The following LRP2 variants were observed in gnomAD, a reference collection of about 807,000 sequenced individuals.
LRP2 encodes the protein low-density lipoprotein receptor-related protein 2.
LRP2 carries 172 observed loss-of-function variants against 531.0 expected under a neutral mutation model. The observed-to-expected ratio is 0.32, with a 90% CI of 0.29 to 0.37. LRP2 has a LOEUF of 0.37. LRP2 is among the 10% of genes least tolerant of loss of function. The probability of loss-of-function intolerance (pLI) is 1.00; values close to 1 mark genes in which losing one functional copy is unlikely to be tolerated. For synonymous variants in LRP2, 1,992 were observed against 2,027.6 expected, an observed-to-expected ratio of 0.98 and a Z score of 0.47; for missense variants, 5,167 against 5,868.3, an observed-to-expected ratio of 0.88 and a Z score of 3.90.
intron 76 of LRP2, 91 bp downstream of exon 76, chr2:169,137,301 A>C (rs549898835): frequency 1.6e-4 from 151 of 965,176 alleles, no homozygotes; most frequent in Non-Finnish European, 2.1e-4. Context: ...TTCCCTTTGG[A>C]GGGAAGGTTA....
rs1185006084 is a variant in LRP2 at position 169,251,718 on chromosome 2, G to T, written c.2771-4203C>A. Reference sequence around the variant, plus strand: ...AATCCAGGAGCTGGTTTTTTGAAAGGATCAACAAAATTGATAGACCGCTAG... The same window carrying T: ...AATCCAGGAGCTGGTTTTTTGAAAGTATCAACAAAATTGATAGACCGCTAG... On this transcript the variant is annotated intron_variant, in intron 19 of 78. Transcript: ENST00000649046. Among the ~76,000 whole-genome samples, 8 of 87,728 alleles carry T rather than the reference G, an allele frequency of 9.1e-5. 4 individuals carry two copies. Among genetic ancestry groups the T allele is most frequent in the Non-Finnish European group, 1.7e-4 (8 of 48,242 alleles). The allele number at this position is 87,728 out of a possible 152,430, so 57.6% of individuals were successfully genotyped here. A position where few individuals can be genotyped will look rare whatever the true frequency, so the allele number is the denominator to read the frequency against.
intron 16 of LRP2, among the ~76,000 whole-genome samples, chr2:169,261,750 C>T (rs1690563977): frequency 6.6e-6 from 1 of 152,040 alleles, no homozygotes; most frequent in Non-Finnish European, 1.5e-5. Flanking sequence ...TTTATGAGGC[C>T]AGCATCATCC....
At chr2:169,147,249 C>T (rs1685949644) in intron 68 of LRP2, among the ~76,000 whole-genome samples, 1 of 152,212 alleles carries the variant, frequency 6.6e-6, no homozygotes, top group Non-Finnish European at 1.5e-5. Context: ...AAGCTGTTCA[C>T]TCTTCAAGAA....
intron 9 of LRP2, among the ~76,000 whole-genome samples, chr2:169,288,053 C>A (rs1683905077): frequency 6.6e-6 from 1 of 151,992 alleles, no homozygotes; most frequent in Admixed American, 6.6e-5. Context: ...TAGATGACTA[C>A]CAAATTTTAA....
chr2:169,173,981 G>T lies in LRP2; in HGVS notation c.10952C>A (p.Ala3651Asp), dbSNP rs772983316. Residue 3651 changes from alanine (A) to aspartate (D), a missense_variant, in exon 56 of 79, where the codon GCC (alanine) becomes GAC (aspartate). Physicochemically the swap from Ala to Asp is moderately radical, Grantham distance 126. This residue lies in a region of LRP2 where 311 missense variants were observed against 309.4 expected (regional missense o/e 1.01). Transcript: ENST00000649046. ...RCANGRCIPQ[A>D]WKCDVDNDCG... ...ATCATTATCCACATCACACTTCCAG[G>T]CCTGCGGGATGCAGCGGCCATTAGC... is the stretch of plus-strand genomic sequence containing the variant. 1 of 1,614,180 alleles carries T rather than the reference G, an allele frequency of 6.2e-7. No homozygotes were observed. Among genetic ancestry groups the T allele is most frequent in the Non-Finnish European group, 8.5e-7 (1 of 1,180,028 alleles).
chr2:169,233,595 G>T lies in LRP2; in HGVS notation c.4921-7C>A. ...CATAGGGGTGCCGTATAATCTGTGA[G>T]GCAGAAGAGAACAGTGAGACCTCAT... On this transcript the variant is annotated splice_region_variant and splice_polypyrimidine_tract_variant and intron_variant, in intron 29 of 78. Coordinates refer to ENST00000649046, the MANE Select transcript of LRP2 (RefSeq NM_004525.3). 1 of 1,613,974 alleles carries T rather than the reference G, an allele frequency of 6.2e-7. No individual in the cohort carries two copies. The highest frequency in any genetic ancestry group is 8.5e-7 in the Non-Finnish European group (1 of 1,179,846).
chr2:169,185,064 G>T (rs1226605556), intron 50 of LRP2, among the ~76,000 whole-genome samples: 1 of 152,116 alleles, frequency 6.6e-6, no homozygotes, highest in African/African-American at 2.4e-5. Flanking sequence ...CCCGGCCAAT[G>T]ACAAGTATTG....
At chr2:169,353,144 G>C (rs188793174) in intron 1 of LRP2, among the ~76,000 whole-genome samples, 4 of 152,166 alleles carry the variant, frequency 2.6e-5, no homozygotes, top group Non-Finnish European at 2.9e-5. Flanking sequence ...AGGTGATTTT[G>C]ATGATATGTC....
chr2:169,275,315 T>C, intron 13 of LRP2, 77 bp from the exon 14 acceptor site: 1 of 1,100,504 alleles, frequency 9.1e-7, no homozygotes, highest in Non-Finnish European at 1.4e-6. Flanking sequence ...GTTAGTTCAA[T>C]TAAATGCCTG....
At chr2:169,309,189 T>C (rs1350451502) in intron 3 of LRP2, among the ~76,000 whole-genome samples, 2 of 152,254 alleles carry the variant, frequency 1.3e-5, no homozygotes, top group Non-Finnish European at 2.9e-5. Context: ...TTCACTCTGA[T>C]GGTAGTTTCT....
chr2:169,292,111 G>T, intron 7 of LRP2, 142 bp downstream of exon 7: 1 of 710,466 alleles, frequency 1.4e-6, no homozygotes, highest in South Asian at 1.6e-5. Flanking sequence ...CACCCACTAA[G>T]TTCCTAAACA....
chr2:169,237,607 T>A (rs1689652911), intron 27 of LRP2, among the ~76,000 whole-genome samples: 1 of 152,220 alleles, frequency 6.6e-6, no homozygotes, highest in Non-Finnish European at 1.5e-5. Flanking sequence ...TTACAAAATG[T>A]TATAGTGTTT....
chr2:169,185,797 C>G lies in LRP2; in HGVS notation c.9551G>C (p.Arg3184Pro). The G allele has an allele frequency of 6.2e-7, 1 of 1,613,870 alleles. No individual in the cohort carries two copies. The highest frequency in any genetic ancestry group is 8.5e-7 in the Non-Finnish European group (1 of 1,179,968). Residue 3184 changes from arginine (R) to proline (P), a missense_variant, in exon 50 of 79, where the codon CGA becomes CCA. Around this residue, in one of 6 missense-constraint regions of LRP2, gnomAD observed 1,129 missense variants for 1,362.7 expected, o/e 0.83. Transcript: ENST00000649046. Reference sequence around the variant, plus strand: ...CCGGCAGGTCTTTCCATCTGGTTCTCGGAGGTAGCCTGGGGCACACTTACA... The same window carrying G: ...CCGGCAGGTCTTTCCATCTGGTTCTGGGAGGTAGCCTGGGGCACACTTACA... ...YICKCAPGYL[R>P]EPDGKTCRQN... is the part of the protein sequence containing the mutation.
chr2:169,195,078 A>G (rs375115385), intron 46 of LRP2, among the ~76,000 whole-genome samples: 50 of 152,138 alleles, frequency 3.3e-4, no homozygotes, highest in African/African-American at 1.1e-3. Context: ...TCTAGACCAT[A>G]AGGATCTTTC....
At chr2:169,140,225 G>A (rs747752778) in intron 72 of LRP2, among the ~76,000 whole-genome samples, 2 of 151,832 alleles carry the variant, frequency 1.3e-5, no homozygotes, top group South Asian at 2.1e-4. Context: ...ATCTCTGTGC[G>A]TGAGAATGGG....
chr2:169,243,555 TA>T (rs751738784), intron 22 of LRP2, 33 bp from the exon 23 acceptor site: 2 of 1,613,418 alleles, frequency 1.2e-6, no homozygotes, highest in South Asian at 2.2e-5. Context: ...CCAACAAGTT[TA>T]TTTCCTGTGC....
At chr2:169,236,612 C>A (rs1473794836) in intron 28 of LRP2, among the ~76,000 whole-genome samples, 1 of 152,124 alleles carries the variant, frequency 6.6e-6, no homozygotes, top group East Asian at 1.9e-4. Flanking sequence ...TCAAAGATTT[C>A]CAAACACATG....
At chr2:169,242,235 G>A (rs1343208393) in intron 24 of LRP2, among the ~76,000 whole-genome samples, 1 of 152,136 alleles carries the variant, frequency 6.6e-6, no homozygotes, top group African/African-American at 2.4e-5. Context: ...TCAACTCACT[G>A]ATGAGTTTTT....
chr2:169,350,718 C>T (rs1260384899), intron 1 of LRP2, among the ~76,000 whole-genome samples: 20 of 76,616 alleles, frequency 2.6e-4, no homozygotes, highest in Non-Finnish European at 4.6e-4. Flanking sequence ...AGCGAGACTC[C>T]ATCGCAAAAA....
Sources: allele counts gnomAD v4.1 joint callset (sites outside exome capture counted in the v4.1 genomes callset), GRCh38; gene constraint gnomAD v4.1.1; regional missense constraint gnomAD v4.1.1; transcripts MANE v1.5; gene names NCBI Gene and HGNC (gene_info 2026-07-23, HGNC 2026-07-21).